The following TMCO5A variants were observed in gnomAD, a reference collection of about 807,000 sequenced individuals.
The protein encoded by TMCO5A is transmembrane and coiled-coil domains 5A.
Under a neutral mutation model 42.3 loss-of-function variants are expected in TMCO5A, and 34 were observed. The ratio of observed to expected loss-of-function variants is 0.80; its 90% CI spans 0.61 to 1.07. TMCO5A has a LOEUF of 1.07. TMCO5A is among the 50% of genes least tolerant of loss of function. TMCO5A has a pLI of 0.00. For synonymous variants in TMCO5A, 131 were observed against 115.6 expected, an observed-to-expected ratio of 1.13 and a Z score of -0.86; for missense variants, 357 against 327.9, an observed-to-expected ratio of 1.09 and a Z score of -0.69.
intron 6 of TMCO5A, among the ~76,000 whole-genome samples, chr15:37,938,450 G>A (rs1889610392): frequency 6.6e-6 from 1 of 152,046 alleles, no homozygotes; most frequent in South Asian, 2.1e-4. Context: ...AGGAAGAGCA[G>A]GGCACAAATG....
chr15:38,017,912 T>A, the TMCO5A span, among the ~76,000 whole-genome samples: 2 of 152,150 alleles, frequency 1.3e-5, no homozygotes, highest in Admixed American at 1.3e-4. Flanking sequence ...TGAGATCTGG[T>A]TGTTTGAAAG....
At chr15:38,003,240 CT>C in the TMCO5A span, among the ~76,000 whole-genome samples, 1 of 152,068 alleles carries the variant, frequency 6.6e-6, no homozygotes, top group Non-Finnish European at 1.5e-5. Flanking sequence ...CTCTCTCTCT[CT>C]CTCTCTGTCT....
the TMCO5A span, chr15:38,020,477 G>A: frequency 3.3e-5 from 5 of 152,134 alleles, no homozygotes; most frequent in South Asian, 4.1e-4. Context: ...GAAGCAAGCC[G>A]GCTGAAGTTA....
chr15:37,948,910 G>C (rs139010645), intron 11 of TMCO5A, among the ~76,000 whole-genome samples: 1 of 152,096 alleles, frequency 6.6e-6, no homozygotes, highest in Non-Finnish European at 1.5e-5. Context: ...TTTTGACCAA[G>C]GTGTTGTACT....
At chr15:37,953,500 A>G (rs77516692), downstream of TMCO5A, among the ~76,000 whole-genome samples, 2,136 of 152,306 alleles carry the variant, frequency 0.014, 58 homozygotes, top group African/African-American at 0.049. Flanking sequence ...CAAGAACCAC[A>G]GTATTACTGG....
chr15:38,036,666 C>T, the TMCO5A span, among the ~76,000 whole-genome samples: 1 of 152,134 alleles, frequency 6.6e-6, no homozygotes, highest in Non-Finnish European at 1.5e-5. Context: ...TCATACATAC[C>T]TAAACAATCT....
the TMCO5A span, among the ~76,000 whole-genome samples, chr15:37,982,410 A>G: frequency 1.4e-5 from 2 of 143,902 alleles, no homozygotes; most frequent in Non-Finnish European, 3.0e-5. Context: ...ATGTCTTTAT[A>G]ATTCTATATC....
chr15:37,936,192 T>C, intron 2 of TMCO5A, 122 bp from the exon 3 acceptor site: 1 of 1,104,158 alleles, frequency 9.1e-7, no homozygotes, highest in Non-Finnish European at 1.2e-6. Flanking sequence ...AGAATGAAAA[T>C]GGTATGCCCC....
intron 4 of TMCO5A, 139 bp downstream of exon 4, chr15:37,937,109 C>T (rs965855325): frequency 2.1e-5 from 29 of 1,360,270 alleles, no homozygotes; most frequent in African/African-American, 1.5e-4. Context: ...TTTGTCCATG[C>T]GTGGAAGGGG....
chr15:37,936,947 C>A lies in TMCO5A; in HGVS notation c.241C>A (p.Leu81Met). Residue 81 changes from leucine to methionine, a missense_variant, in exon 4 of 12, where the codon CTG (leucine) becomes ATG (methionine). Leu to Met is a conservative substitution (Grantham distance 15). Coordinates refer to ENST00000319669, the MANE Select transcript of TMCO5A (RefSeq NM_152453.4). ...GGAAAGGGAAAGAGCCTTGCAGGAG[C>A]TGGAGGAAGAAACAGCCAGACTTGT... is the stretch of plus-strand genomic sequence containing the variant. ...TMERERALQE[L>M]EEETARLERK... 6.2e-7 allele frequency: 1 copy of A among 1,612,354 alleles called. No homozygotes were observed.
At chr15:38,020,047 C>T in the TMCO5A span, 1 of 151,748 alleles carries the variant, frequency 6.6e-6, no homozygotes, top group Non-Finnish European at 1.5e-5. Flanking sequence ...GTCTGGAGTG[C>T]AGTGACACAA....
the TMCO5A span, among the ~76,000 whole-genome samples, chr15:37,973,055 T>C: frequency 1.3e-5 from 2 of 152,316 alleles, no homozygotes; most frequent in South Asian, 4.1e-4. Context: ...ATTGCCTGTT[T>C]TGTCAACTTT....
the TMCO5A span, among the ~76,000 whole-genome samples, chr15:38,019,998 A>C: frequency 6.6e-6 from 1 of 151,388 alleles, no homozygotes; most frequent in Non-Finnish European, 1.5e-5. Context: ...GTAATTAAAA[A>C]AATTTTTTTT....
downstream of TMCO5A, among the ~76,000 whole-genome samples, chr15:37,972,024 T>C (rs929104807): frequency 6.6e-6 from 1 of 152,190 alleles, no homozygotes; most frequent in Non-Finnish European, 1.5e-5. Context: ...TTTTCAGCAG[T>C]GCCCCACTCT....
chr15:37,961,137 T>C (rs1890416096), intron 11 of TMCO5A, among the ~76,000 whole-genome samples: 1 of 152,152 alleles, frequency 6.6e-6, no homozygotes, highest in Admixed American at 6.6e-5. Flanking sequence ...TAAAAGGGGT[T>C]TTCCAATGTT....
the TMCO5A span, among the ~76,000 whole-genome samples, chr15:37,990,261 C>T: frequency 6.6e-6 from 1 of 152,002 alleles, no homozygotes; most frequent in South Asian, 2.1e-4. Flanking sequence ...TCTACTTCTC[C>T]CTCCAATTCT....
At chr15:37,990,398 T>G in the TMCO5A span, among the ~76,000 whole-genome samples, 13 of 152,100 alleles carry the variant, frequency 8.5e-5, no homozygotes, top group African/African-American at 2.9e-4. Flanking sequence ...TAATCTGAAG[T>G]CAATTTTGCC....
chr15:38,010,209 TAAA>T, the TMCO5A span, among the ~76,000 whole-genome samples: 2 of 149,910 alleles, frequency 1.3e-5, no homozygotes, highest in Non-Finnish European at 3.0e-5. Context: ...CCGTCTCTAC[TAAA>T]AAAAATACAA....
intron 5 of TMCO5A, among the ~76,000 whole-genome samples, 165 bp downstream of exon 5, chr15:37,937,561 C>T (rs376324352): frequency 5.9e-5 from 9 of 152,048 alleles, no homozygotes; most frequent in African/African-American, 2.2e-4. Context: ...AGGTTCATGA[C>T]CTAAATGTTA....
Sources: allele counts gnomAD v4.1 joint callset (sites outside exome capture counted in the v4.1 genomes callset), GRCh38; gene constraint gnomAD v4.1.1; transcripts MANE v1.5; gene names NCBI Gene and HGNC (gene_info 2026-07-23, HGNC 2026-07-21).